The following MALRD1 variants were observed in gnomAD, a reference collection of about 807,000 sequenced individuals.
MALRD1 encodes the protein MAM and LDL receptor class A domain containing 1.
In MALRD1, 247 loss-of-function variants were observed where a neutral mutation model predicts 242.1. That is an observed-to-expected ratio of 1.02 (90% CI 0.92 to 1.13). The LOEUF (loss-of-function observed/expected upper bound fraction) is 1.13, where lower values mean the gene tolerates loss of function less well. MALRD1 is among the 50% of genes most tolerant of loss of function. MALRD1 has a pLI of 0.00. For missense variants in MALRD1, 2,989 were observed against 2,533.1 expected (o/e 1.18, Z -3.86); for synonymous variants, 995 against 866.6 (o/e 1.15, Z -2.60).
At chr10:19,419,570 T>G (rs892299221) in intron 28 of MALRD1, among the ~76,000 whole-genome samples, 2 of 152,186 alleles carry the variant, frequency 1.3e-5, no homozygotes, top group Non-Finnish European at 2.9e-5. Context: ...TCTGCTGGCC[T>G]CTGCCTCCCA....
At chr10:19,237,580 ATAAT>A (rs59418959) in intron 18 of MALRD1, among the ~76,000 whole-genome samples, 2 of 17,362 alleles carry the variant, frequency 1.2e-4, no homozygotes, top group Non-Finnish European at 2.3e-4. Context: ...ATATATAATT[ATAAT>A]TATATAATTA....
chr10:19,278,240 T>C (rs1451062178), intron 19 of MALRD1, among the ~76,000 whole-genome samples: 1 of 152,194 alleles, frequency 6.6e-6, no homozygotes, highest in African/African-American at 2.4e-5. Flanking sequence ...CACAAGTTTT[T>C]TCTCATTGCC....
At chr10:19,619,932 G>T (rs1365815861) in intron 36 of MALRD1, among the ~76,000 whole-genome samples, 1 of 151,926 alleles carries the variant, frequency 6.6e-6, no homozygotes, top group Non-Finnish European at 1.5e-5. Context: ...CAGGAGGATT[G>T]ATTGAGCCTG....
At chr10:19,693,563 A>T (rs1173240655) in intron 38 of MALRD1, among the ~76,000 whole-genome samples, 2 of 152,220 alleles carry the variant, frequency 1.3e-5, no homozygotes, top group Admixed American at 1.3e-4. Context: ...CCACTGCTCA[A>T]GGAAATAAAA....
chr10:19,176,881 TGTGTGTGCATGG>T (rs1481048956), intron 14 of MALRD1, among the ~76,000 whole-genome samples: 2 of 151,806 alleles, frequency 1.3e-5, no homozygotes, highest in African/African-American at 2.4e-5. Context: ...TGTGTGTGTG[TGTGTGTGCATGG>T]GTGTGTGCAT....
At chr10:19,572,748 G>A (rs567075235) in intron 33 of MALRD1, among the ~76,000 whole-genome samples, 1 of 152,244 alleles carries the variant, frequency 6.6e-6, no homozygotes, top group South Asian at 2.1e-4. Flanking sequence ...AAGAAGAAGA[G>A]GAGAAAACAC....
At position 19,308,148 on chromosome 10, in the gene MALRD1, C is replaced by T. The variant is rs1234535108; in HGVS notation, c.3420-15801C>T. Among the ~76,000 whole-genome samples, 22 of 151,338 alleles carry T rather than the reference C, an allele frequency of 1.5e-4. No individual in the cohort carries two copies. The Admixed American group carries it at 1.5e-3, about 10-fold the overall frequency. ...ATTGTTTCTTTCTATTTTTTTTATA[C>T]TCATTAACTATCCCTACATTTCGTC... On this transcript the variant is annotated intron_variant, in intron 21 of 39. Coordinates refer to ENST00000454679, the MANE Select transcript of MALRD1 (RefSeq NM_001142308.3).
At chr10:19,691,532 T>C (rs907812207) in intron 36 of MALRD1, among the ~76,000 whole-genome samples, 2 of 152,124 alleles carry the variant, frequency 1.3e-5, no homozygotes, top group East Asian at 3.9e-4. Context: ...TCGTAATTTG[T>C]ATCCTGTTAC....
chr10:19,097,956 C>T (rs890405269), intron 4 of MALRD1, among the ~76,000 whole-genome samples: 10 of 152,276 alleles, frequency 6.6e-5, no homozygotes, highest in Non-Finnish European at 1.2e-4. Context: ...ACGCGTTCCT[C>T]CTCTTACTTT....
chr10:19,075,215 TG>T (rs1239581887), intron 2 of MALRD1, among the ~76,000 whole-genome samples: 1 of 152,118 alleles, frequency 6.6e-6, no homozygotes, highest in African/African-American at 2.4e-5. Context: ...TACCTAATTG[TG>T]GCAGGCAGAT....
chr10:19,428,732 G>T (rs369313033), intron 28 of MALRD1, among the ~76,000 whole-genome samples: 9 of 152,028 alleles, frequency 5.9e-5, no homozygotes, highest in African/African-American at 2.2e-4. Context: ...TATTTAAACC[G>T]CAAGCATACT....
intron 14 of MALRD1, among the ~76,000 whole-genome samples, chr10:19,194,677 A>G (rs1414312076): frequency 3.9e-5 from 6 of 152,202 alleles, no homozygotes; most frequent in African/African-American, 1.4e-4. Context: ...ATGCTGTTCA[A>G]TTCTCTTGAC....
chr10:19,615,973 T>A (rs1050986623), intron 36 of MALRD1, 50 bp downstream of exon 36: 11 of 1,375,958 alleles, frequency 8.0e-6, no homozygotes, highest in Non-Finnish European at 9.9e-6. Context: ...GGAGTTGGCT[T>A]ACTTATTTTT....
At chr10:19,467,392 C>CAAAAAAAAAAAAAAAAAAAA (rs71387079) in intron 29 of MALRD1, among the ~76,000 whole-genome samples, 1 of 53,762 alleles carries the variant, frequency 1.9e-5, no homozygotes, top group Non-Finnish European at 3.3e-5. Flanking sequence ...GACTCCGTCT[C>CAAAAAAAAAAAAAAAAAAAA]AAAAAAAAAA....
At chr10:19,437,094 T>TA (rs902598294) in intron 28 of MALRD1, among the ~76,000 whole-genome samples, 1 of 151,332 alleles carries the variant, frequency 6.6e-6, no homozygotes, top group Non-Finnish European at 1.5e-5. Context: ...GAGTGTGATT[T>TA]TTTTGTAGAC....
intron 20 of MALRD1, 137 bp from the exon 21 acceptor site, chr10:19,282,882 C>G: frequency 1.7e-6 from 1 of 583,362 alleles, no homozygotes; most frequent in Non-Finnish European, 2.6e-6. Context: ...TTTTACAAAC[C>G]ATTTGCCTAA....
At chr10:19,585,247 TG>T (rs1267466155) in intron 33 of MALRD1, among the ~76,000 whole-genome samples, 2 of 152,136 alleles carry the variant, frequency 1.3e-5, no homozygotes, top group Non-Finnish European at 2.9e-5. Flanking sequence ...TATTGTTATG[TG>T]TGAATTTGAT....
At chr10:19,063,630 G>A (rs1307827838) in intron 1 of MALRD1, among the ~76,000 whole-genome samples, 2 of 151,638 alleles carry the variant, frequency 1.3e-5, no homozygotes, top group African/African-American at 4.9e-5. Flanking sequence ...CATTTTTTAT[G>A]GCTACATAGT....
At chr10:19,373,335 T>C (rs1845471044) in intron 26 of MALRD1, among the ~76,000 whole-genome samples, 1 of 151,584 alleles carries the variant, frequency 6.6e-6, no homozygotes, top group Non-Finnish European at 1.5e-5. Flanking sequence ...ACCCCGTCTC[T>C]ACTAAAAATA....
Sources: gnomAD v4.1 joint callset for allele counts (sites outside exome capture counted in the v4.1 genomes callset) on GRCh38, gnomAD v4.1.1 for gene constraint, MANE v1.5 for transcripts, NCBI Gene and HGNC (gene_info 2026-07-23, HGNC 2026-07-21) for gene names.